Variants in NME7 observed in about 807,000 individuals in gnomAD.
The protein encoded by NME7 is NME/NM23 family member 7.
NME7 carries 41 observed loss-of-function variants against 49.1 expected under a neutral mutation model. That is an observed-to-expected ratio of 0.83 (90% CI 0.65 to 1.08). The LOEUF (loss-of-function observed/expected upper bound fraction) is 1.08. Ranked by LOEUF, NME7 falls within the 50% of genes least tolerant of loss-of-function variation. The pLI, the probability that NME7 is intolerant of heterozygous loss-of-function variation, is 0.00. For synonymous variants in NME7, 139 were observed against 150.6 expected (o/e 0.92, Z 0.56); for missense variants, 423 against 463.4 (o/e 0.91, Z 0.80).
intron 10 of NME7, among the ~76,000 whole-genome samples, chr1:169,176,610 G>A (rs1003038193): frequency 7.9e-5 from 12 of 152,040 alleles, no homozygotes; most frequent in Non-Finnish European, 1.5e-4. Flanking sequence ...ACATGGCATC[G>A]TAACTATTGC....
chr1:169,360,455 T>C (rs1468486546), intron 1 of NME7, among the ~76,000 whole-genome samples: 1 of 152,224 alleles, frequency 6.6e-6, no homozygotes, highest in Non-Finnish European at 1.5e-5. Context: ...ATATATAAGA[T>C]GTATAATACT....
chr1:169,135,289 C>T (rs1205135141), intron 11 of NME7, among the ~76,000 whole-genome samples: 1 of 152,140 alleles, frequency 6.6e-6, no homozygotes, highest in African/African-American at 2.4e-5. Flanking sequence ...GGAACTGCTC[C>T]AACTCCAAAT....
intron 9 of NME7, 107 bp from the exon 10 acceptor site, chr1:169,230,926 T>C: frequency 1.6e-6 from 1 of 623,460 alleles, no homozygotes; most frequent in Non-Finnish European, 2.6e-6. Flanking sequence ...CTGTGACTTC[T>C]TCCCCACTTA....
intron 1 of NME7, among the ~76,000 whole-genome samples, chr1:169,358,088 T>C (rs191692290): frequency 1.3e-5 from 2 of 152,018 alleles, no homozygotes; most frequent in Non-Finnish European, 1.5e-5. Flanking sequence ...ATTTAATATA[T>C]AAAAGTAAAT....
At chr1:169,166,704 G>A (rs541535867) in intron 11 of NME7, among the ~76,000 whole-genome samples, 3 of 152,304 alleles carry the variant, frequency 2.0e-5, no homozygotes, top group African/African-American at 4.8e-5. Flanking sequence ...TTGGCCAGGC[G>A]TGGTGGCTCA....
chr1:169,162,979 A>G (rs1659294346), intron 11 of NME7, among the ~76,000 whole-genome samples: 1 of 152,194 alleles, frequency 6.6e-6, no homozygotes. Flanking sequence ...AGTACATGCA[A>G]AGTTTTGGTT....
intron 7 of NME7, among the ~76,000 whole-genome samples, chr1:169,276,419 A>T (rs1381125739): frequency 7.6e-6 from 1 of 132,238 alleles, no homozygotes; most frequent in African/African-American, 2.6e-5. Flanking sequence ...GTCTTGGGAG[A>T]GTGTATGTGT....
intron 11 of NME7, among the ~76,000 whole-genome samples, chr1:169,147,208 G>T (rs10919076): frequency 0.38 from 57,458 of 152,016 alleles, 11,332 homozygotes; most frequent in East Asian, 0.73. Context: ...AGTTAATAAG[G>T]ATAAAACCTA....
intron 11 of NME7, among the ~76,000 whole-genome samples, chr1:169,166,711 C>G (rs1205584841): frequency 6.6e-6 from 1 of 152,156 alleles, no homozygotes; most frequent in Non-Finnish European, 1.5e-5. Context: ...GGCGTGGTGG[C>G]TCATGCCTGT....
chr1:169,265,135 T>A (rs956333517), intron 7 of NME7, among the ~76,000 whole-genome samples: 3 of 132,986 alleles, frequency 2.3e-5, no homozygotes, highest in African/African-American at 7.6e-5. Flanking sequence ...CCATGACATG[T>A]CAGAATTATA....
intron 11 of NME7, among the ~76,000 whole-genome samples, chr1:169,143,273 C>CTTTTTTT (rs71299493): frequency 7.0e-4 from 69 of 98,136 alleles, no homozygotes; most frequent in African/African-American, 8.1e-4. Context: ...TCACCTCAGG[C>CTTTTTTT]TTTTTTTTTT....
chr1:169,237,579 A>G (rs1423271866), intron 8 of NME7, 44 bp downstream of exon 8: 1 of 1,441,942 alleles, frequency 6.9e-7, no homozygotes, highest in Admixed American at 1.8e-5. Context: ...ACTATTTTTG[A>G]AAAAAATCCT....
At chr1:169,241,334 C>A (rs1648078261) in intron 7 of NME7, among the ~76,000 whole-genome samples, 1 of 151,868 alleles carries the variant, frequency 6.6e-6, no homozygotes, top group Admixed American at 6.6e-5. Context: ...AAGGCAGTGG[C>A]AGTTTTGTTC....
At chr1:169,156,453 T>A (rs1050740819) in intron 11 of NME7, among the ~76,000 whole-genome samples, 222 of 152,348 alleles carry the variant, frequency 1.5e-3, no homozygotes, top group African/African-American at 5.1e-3. Context: ...GTAAGGTCAC[T>A]TTTAGTCCAA....
intron 7 of NME7, among the ~76,000 whole-genome samples, chr1:169,279,757 C>A (rs907764482): frequency 6.6e-6 from 1 of 152,218 alleles, no homozygotes; most frequent in Admixed American, 6.5e-5. Flanking sequence ...GATGGAAATG[C>A]AGAAATCACC....
At chr1:169,311,287 G>A (rs138668624) in intron 3 of NME7, among the ~76,000 whole-genome samples, 10 of 151,738 alleles carry the variant, frequency 6.6e-5, no homozygotes, top group African/African-American at 1.7e-4. Flanking sequence ...GCAAGGTGGC[G>A]GGCTACTACT....
intron 3 of NME7, among the ~76,000 whole-genome samples, chr1:169,313,767 G>A (rs1651502467): frequency 6.6e-6 from 1 of 151,932 alleles, no homozygotes; most frequent in African/African-American, 2.4e-5. Context: ...TCAGATACTA[G>A]GATAATCAGA....
chr1:169,317,834 C>T (rs574466626), intron 3 of NME7, among the ~76,000 whole-genome samples: 20 of 152,270 alleles, frequency 1.3e-4, no homozygotes, highest in Middle Eastern at 3.4e-3. Flanking sequence ...TATCCCTGTT[C>T]CCATAAGAAA....
At chr1:169,225,736 C>A (rs929691237) in intron 10 of NME7, among the ~76,000 whole-genome samples, 10 of 152,142 alleles carry the variant, frequency 6.6e-5, no homozygotes. Context: ...TTGGACACCA[C>A]TTCTAGAGAG....
Sources: allele counts gnomAD v4.1 joint callset (sites outside exome capture counted in the v4.1 genomes callset), GRCh38; gene constraint gnomAD v4.1.1; transcripts MANE v1.5; gene names NCBI Gene and HGNC (gene_info 2026-07-23, HGNC 2026-07-21).